The following PCDHGA2 variants were observed in gnomAD, a reference collection of about 807,000 sequenced individuals.
The protein encoded by PCDHGA2 is protocadherin gamma subfamily A, 2, also known as protocadherin gamma-A2.
Under a neutral mutation model 59.2 loss-of-function variants are expected in PCDHGA2, and 40 were observed. The observed-to-expected ratio is 0.68, with a 90% CI of 0.52 to 0.88. The LOEUF (loss-of-function observed/expected upper bound fraction) is 0.88. Among genes scored for constraint, PCDHGA2 ranks in the 40% least tolerant of loss-of-function variants. PCDHGA2 has a pLI of 0.00. For missense variants in PCDHGA2, 1,226 were observed against 1,204.0 expected (o/e 1.02, Z -0.27); for synonymous variants, 560 against 526.0 (o/e 1.06, Z -0.89).
At chr5:141,492,197 TA>T (rs2099738125) in intron 1 of PCDHGA2, among the ~76,000 whole-genome samples, 1 of 152,200 alleles carries the variant, frequency 6.6e-6, no homozygotes, top group African/African-American at 2.4e-5. Flanking sequence ...CTGCGGGACT[TA>T]GGTGTGCGCG....
At chr5:141,345,310 A>G (rs758599749) in intron 1 of PCDHGA2, 46 of 1,613,986 alleles carry the variant, frequency 2.9e-5, no homozygotes, top group Non-Finnish European at 3.7e-5. Flanking sequence ...AGAGCCTCAG[A>G]TGGGGGAAGC....
rs1259098111 is a variant in PCDHGA2 at position 141,489,418 on chromosome 5, T to C, written c.2425-5389T>C. On this transcript the variant is annotated intron_variant, in intron 1 of 3. Coordinates refer to ENST00000394576, the MANE Select transcript of PCDHGA2 (RefSeq NM_018915.4). This position sits in a 1 kb window ranked among gnomAD's most constrained non-coding sequence, Gnocchi z 4.5. ...TCTGGGCTTAAAGATGACAGATCTGTTGAGCCGGCGGCTGCAATTGGGCTC... is the reference window on the plus strand; with the variant it reads ...TCTGGGCTTAAAGATGACAGATCTGCTGAGCCGGCGGCTGCAATTGGGCTC... The C allele has an allele frequency of 1.2e-6, 2 of 1,614,174 alleles. No individual in the cohort carries two copies. The highest frequency in any genetic ancestry group is 8.5e-7 in the Non-Finnish European group (1 of 1,180,032).
chr5:141,366,779 C>T, intron 1 of PCDHGA2: 2 of 1,585,730 alleles, frequency 1.3e-6, no homozygotes, highest in Non-Finnish European at 1.7e-6. Context: ...GTAAGGATGA[C>T]CAGAACATTT....
chr5:141,414,741 A>C, intron 1 of PCDHGA2: 1 of 1,614,158 alleles, frequency 6.2e-7, no homozygotes. Flanking sequence ...ATGCACTCAG[A>C]TCCTTCGACT....
At chr5:141,422,394 C>T (rs898242724) in intron 1 of PCDHGA2, 1 of 1,595,520 alleles carries the variant, frequency 6.3e-7, no homozygotes, top group Non-Finnish European at 8.5e-7. Context: ...TTATTCCTAA[C>T]CACCTGCCTT....
Position 141,486,812 on chromosome 5 carries a change from A to G in PCDHGA2, c.2425-7995A>G, listed in dbSNP as rs781747283. 6.2e-7 allele frequency: 1 copy of G among 1,614,226 alleles called. No individual in the cohort carries two copies. The highest frequency in any genetic ancestry group is 8.5e-7 in the Non-Finnish European group (1 of 1,180,046). ...GGATCGGGGCAACCCACCCCTTAGC[A>G]GCACTGTAACAGTTCGTCTATTTGT... On this transcript the variant is annotated intron_variant, in intron 1 of 3. Transcript: ENST00000394576. This position sits in a 1 kb window ranked among gnomAD's most constrained non-coding sequence, Gnocchi z 5.0.
At chr5:141,348,061 A>G (rs1211448391) in intron 1 of PCDHGA2, among the ~76,000 whole-genome samples, 2 of 152,206 alleles carry the variant, frequency 1.3e-5, no homozygotes, top group Admixed American at 6.5e-5. Context: ...TTCTTTTGTC[A>G]TGTTCTACAA....
chr5:141,422,519 C>G, intron 1 of PCDHGA2: 1 of 1,613,968 alleles, frequency 6.2e-7, no homozygotes, highest in Non-Finnish European at 8.5e-7. Flanking sequence ...CAGGGAAGCC[C>G]GCCTTTGTCT....
At chr5:141,345,151 A>T in intron 1 of PCDHGA2, 1 of 1,613,998 alleles carries the variant, frequency 6.2e-7, no homozygotes, top group Non-Finnish European at 8.5e-7. Flanking sequence ...GACGTGCATG[A>T]CCGAGATTCT....
intron 1 of PCDHGA2, among the ~76,000 whole-genome samples, chr5:141,480,408 C>A (rs371569489): frequency 7.2e-6 from 1 of 138,932 alleles, no homozygotes; most frequent in African/African-American, 2.9e-5. Flanking sequence ...GAGTGAGACC[C>A]TGTCTCAAAA....
At chr5:141,410,668 T>C in intron 1 of PCDHGA2, 2 of 1,565,640 alleles carry the variant, frequency 1.3e-6, no homozygotes, top group African/African-American at 2.7e-5. Context: ...TCTACTAGTT[T>C]CTCATATTTT....
intron 1 of PCDHGA2, among the ~76,000 whole-genome samples, chr5:141,368,368 T>C (rs1463572003): frequency 6.6e-6 from 1 of 151,982 alleles, no homozygotes; most frequent in Non-Finnish European, 1.5e-5. Context: ...TATACACACA[T>C]ATATATACAC....
chr5:141,374,416 G>A, intron 1 of PCDHGA2: 2 of 1,613,948 alleles, frequency 1.2e-6, no homozygotes, highest in Non-Finnish European at 1.7e-6. Context: ...TCCTTGTCGA[G>A]GATAAACTGA....
At chr5:141,408,164 A>C (rs2095051548) in intron 1 of PCDHGA2, 1 of 1,520,458 alleles carries the variant, frequency 6.6e-7, no homozygotes, top group African/African-American at 1.4e-5. Context: ...ACTTTCTCCA[A>C]CTGGAAAAGC....
Position 141,390,867 on chromosome 5 carries a change from C to T in PCDHGA2, c.2424+49472C>T, listed in dbSNP as rs370388746. On this transcript the variant is annotated intron_variant, in intron 1 of 3. Transcript: ENST00000394576. Reference sequence around the variant, plus strand: ...TTATATGCAGTGTACGCTGTGTGTGCGTGTGTGTGTGTGTGTGTGTGAGAG... The same window carrying T: ...TTATATGCAGTGTACGCTGTGTGTGTGTGTGTGTGTGTGTGTGTGTGAGAG... The T allele has an allele frequency of 2.6e-4, 39 of 151,156 alleles. No homozygotes were observed. In the South Asian group the frequency reaches 4.4e-3, roughly 17 times the overall value. 9.4% of individuals were successfully genotyped at this position (151,156 alleles called of 1,614,324 possible).
chr5:141,430,919 C>T, intron 1 of PCDHGA2: 1 of 1,607,610 alleles, frequency 6.2e-7, no homozygotes, highest in Non-Finnish European at 8.5e-7. Context: ...GGACCTGGGG[C>T]TGGAGCCCCG....
Position 141,338,783 on chromosome 5 carries a change from G to A in PCDHGA2, c.-189G>A. The A allele has an allele frequency of 1.5e-6, 2 of 1,338,184 alleles. No individual in the cohort carries two copies. The highest frequency in any genetic ancestry group is 1.9e-6 in the Non-Finnish European group (2 of 1,049,686). The allele number at this position is 1,338,184 out of a possible 1,614,324, so 82.9% of individuals were successfully genotyped here. ...CCAATCCAGCAATACGGCTCCCACA[G>A]CACAAGGGGGTGGAGGTTTGGCCCT... On this transcript the variant is annotated 5_prime_UTR_variant, in exon 1 of 4. Transcript: ENST00000394576.
rs765586654 is a variant in PCDHGA2 at position 141,421,994 on chromosome 5, T to C, written c.2425-72813T>C. 8 of 1,608,922 alleles carry C rather than the reference T, an allele frequency of 5.0e-6. No homozygotes were observed. In the African/African-American group the frequency reaches 5.4e-5, roughly 11 times the overall value. On this transcript the variant is annotated intron_variant, in intron 1 of 3. Coordinates refer to ENST00000394576, the MANE Select transcript of PCDHGA2 (RefSeq NM_018915.4). ...TATCGCGTGAGTGTTCCAGAAAACA[T>C]CAGCTCCGGAACTCGGGTGCTGATG...
At chr5:141,417,712 C>T in intron 1 of PCDHGA2, 1 of 1,270,436 alleles carries the variant, frequency 7.9e-7, no homozygotes, top group Non-Finnish European at 1.1e-6. Context: ...ACAGAGGCTC[C>T]CGGCTGCGCA....
Sources: gnomAD v4.1 joint callset for allele counts (sites outside exome capture counted in the v4.1 genomes callset) on GRCh38, gnomAD v4.1.1 for gene constraint, Gnocchi (gnomAD v3.1) non-coding constraint, MANE v1.5 for transcripts, NCBI Gene and HGNC (gene_info 2026-07-23, HGNC 2026-07-21) for gene names.